The following CILK1 variants were observed in gnomAD, a reference collection of about 807,000 sequenced individuals.
CILK1 encodes serine/threonine-protein kinase ICK.
CILK1 carries 47 observed loss-of-function variants against 79.2 expected under a neutral mutation model. The ratio of observed to expected loss-of-function variants is 0.59; its 90% confidence interval spans 0.47 to 0.76. CILK1 has a LOEUF of 0.76. Among genes scored for constraint, CILK1 ranks in the 30% least tolerant of loss-of-function variants. The probability of loss-of-function intolerance (pLI) is 0.00; values close to 1 mark genes in which losing one functional copy is unlikely to be tolerated. For synonymous variants in CILK1, 266 were observed against 275.9 expected (o/e 0.96, Z 0.36); for missense variants, 660 against 769.5 (o/e 0.86, Z 1.68).
chr6:53,047,868 G>A (rs536850137), intron 1 of CILK1, among the ~76,000 whole-genome samples: 1 of 152,006 alleles, frequency 6.6e-6, no homozygotes, highest in East Asian at 1.9e-4. Flanking sequence ...GTGTTATTTG[G>A]ACAATGTACA....
At chr6:53,012,259 T>C in intron 9 of CILK1, 32 bp from the exon 10 acceptor site, 1 of 1,601,112 alleles carries the variant, frequency 6.2e-7, no homozygotes, top group Non-Finnish European at 8.6e-7. Context: ...GGGAAAGCAA[T>C]ACTTGGCATT....
rs1764163929 is a variant in CILK1, at chr6:53,005,433, T to C, written c.1745-130A>G. ...AGAGGAGCATCTTGTCTCCTACTTA[T>C]AATCTTCTCTACTGCAGTTAAAGAC... On this transcript the variant is annotated intron_variant, in intron 13 of 13. Coordinates refer to ENST00000676107, the MANE Select transcript of CILK1 (RefSeq NM_014920.5). 7 of 993,144 alleles carry C rather than the reference T, an allele frequency of 7.0e-6. No individual in the cohort carries two copies. In the South Asian group the frequency reaches 8.3e-5, roughly 12 times the overall value. 61.5% of individuals were successfully genotyped at this position (993,144 alleles called of 1,614,324 possible).
In CILK1 at chr6:53,041,201, A is replaced by T; in HGVS notation, c.36T>A (p.Asp12Glu). 1 of 1,613,878 alleles carries T rather than the reference A, an allele frequency of 6.2e-7. No homozygotes were observed. Among genetic ancestry groups the T allele is most frequent in the Non-Finnish European group, 8.5e-7 (1 of 1,179,784 alleles). ...NRYTTIRQLG[D>E]GTYGSVLLGR... The stretch of plus-strand genomic sequence containing the variant: ...CCAGCAGGACGGAACCGTAGGTTCC[A>T]TCCCCGAGCTGCCTGATTGTTGTGT... The change falls in exon 2 of 14, where the codon GAT (aspartate) becomes GAA (glutamate). Residue 12 changes from aspartate to glutamate, a missense_variant. By Grantham distance (45) the Asp-to-Glu change is conservative (BLOSUM62 2). Coordinates refer to ENST00000676107, the MANE Select transcript of CILK1 (RefSeq NM_014920.5).
At chr6:53,011,972 A>AAT in intron 10 of CILK1, 55 bp from the exon 11 acceptor site, 1 of 1,613,848 alleles carries the variant, frequency 6.2e-7, no homozygotes, top group Non-Finnish European at 8.5e-7. Context: ...GTATTCTCGG[A>AAT]TATGTACCCA....
At chr6:53,030,471 GACA>G (rs1349479081) in intron 5 of CILK1, among the ~76,000 whole-genome samples, 2 of 152,162 alleles carry the variant, frequency 1.3e-5, no homozygotes, top group South Asian at 4.1e-4. Context: ...TGCATGGTCT[GACA>G]ACGAGCTCAC....
chr6:53,022,795 G>A (rs760193365), intron 5 of CILK1, among the ~76,000 whole-genome samples: 4 of 152,040 alleles, frequency 2.6e-5, no homozygotes, highest in Admixed American at 6.6e-5. Context: ...CATTTTCACT[G>A]AGCATCTGCT....
At position 53,009,539 on chromosome 6, in the gene CILK1, C is replaced by T. The variant is rs745489472; in HGVS notation, c.1521G>A (p.Ser507=). The change falls in exon 12 of 14, where the codon TCG becomes TCA. Residue 507 remains serine, a synonymous_variant. Coordinates refer to ENST00000676107, the MANE Select transcript of CILK1 (RefSeq NM_014920.5). ...PGISIRNGIL[S]NPGKEFIPPN... is the part of the protein sequence containing the mutation. ...GTGGAATAAATTCCTTGCCTGGATT[C>T]GAGAGTATGCCATTTCTTATACTGA... The T allele has an allele frequency of 9.2e-5, 149 of 1,610,976 alleles. 1 individual carries two copies. Among genetic ancestry groups the T allele is most frequent in the Middle Eastern group, 3.3e-4 (2 of 6,056 alleles).
intron 5 of CILK1, among the ~76,000 whole-genome samples, chr6:53,022,536 T>C (rs986915958): frequency 6.6e-6 from 1 of 152,222 alleles, no homozygotes; most frequent in Admixed American, 6.5e-5. Flanking sequence ...TAGGTGTGTC[T>C]AAGTAAGTGT....
chr6:53,031,271 C>A (rs1765945198), intron 4 of CILK1, 127 bp from the exon 5 acceptor site: 1 of 643,484 alleles, frequency 1.6e-6, no homozygotes. Context: ...TCACATGTTA[C>A]AAAAACAAAA....
chr6:53,030,195 A>C (rs1400213060), intron 5 of CILK1, among the ~76,000 whole-genome samples: 1 of 152,234 alleles, frequency 6.6e-6, no homozygotes, highest in African/African-American at 2.4e-5. Flanking sequence ...TAACCAGACC[A>C]TCTGTAGAAC....
At chr6:53,048,760 C>T (rs140563766) in intron 1 of CILK1, among the ~76,000 whole-genome samples, 1,810 of 152,264 alleles carry the variant, frequency 0.012, 33 homozygotes, top group East Asian at 0.064. Context: ...ACTCAGGATT[C>T]GACATACTCA....
intron 5 of CILK1, among the ~76,000 whole-genome samples, chr6:53,019,759 G>A (rs1765118080): frequency 6.6e-6 from 1 of 152,122 alleles, no homozygotes; most frequent in South Asian, 2.1e-4. Context: ...CTGGGCTCAA[G>A]TGATCCTCCT....
Position 53,020,007 on chromosome 6 carries a change from C to T in CILK1, c.359-648G>A, listed in dbSNP as rs191311845. On this transcript the variant is annotated intron_variant, in intron 5 of 13. Transcript: ENST00000676107. ...TCTGATGGGAATTGAGAGTTTATAC[C>T]ACAGCAGAAACACAATTATAATTTT... Among the ~76,000 whole-genome samples the T allele has an allele frequency of 1.2e-3, 185 of 152,098 alleles. 6 individuals carry two copies. The highest frequency in any genetic ancestry group is 0.012 in the Admixed American group (182 of 15,262).
chr6:53,029,789 T>A (rs1026663995), intron 5 of CILK1, among the ~76,000 whole-genome samples: 1 of 152,200 alleles, frequency 6.6e-6, no homozygotes, highest in South Asian at 2.1e-4. Context: ...TCTCCTTGAG[T>A]AATAAAACTT....
chr6:53,018,239 G>A (rs1358733677), intron 7 of CILK1, 91 bp downstream of exon 7: 4 of 1,221,706 alleles, frequency 3.3e-6, no homozygotes, highest in Non-Finnish European at 4.8e-6. Context: ...ATGGGCAGGT[G>A]CTCAATCATG....
chr6:53,019,634 A>T (rs909050905), intron 5 of CILK1, among the ~76,000 whole-genome samples: 4 of 152,168 alleles, frequency 2.6e-5, no homozygotes, highest in Non-Finnish European at 5.9e-5. Context: ...ACTGGATTAT[A>T]GGCTGAGATA....
chr6:53,037,649 T>C (rs1157426999), intron 3 of CILK1, among the ~76,000 whole-genome samples: 1 of 152,216 alleles, frequency 6.6e-6, no homozygotes, highest in Non-Finnish European at 1.5e-5. Context: ...GATTTTCCTT[T>C]ACGTTAATAA....
chr6:53,025,978 T>C (rs1419495508), intron 5 of CILK1, among the ~76,000 whole-genome samples: 1 of 152,146 alleles, frequency 6.6e-6, no homozygotes, highest in Non-Finnish European at 1.5e-5. Context: ...AGCGGGTAGG[T>C]GTGCAGACCA....
At chr6:53,025,403 C>T (rs1765510096) in intron 5 of CILK1, among the ~76,000 whole-genome samples, 1 of 152,138 alleles carries the variant, frequency 6.6e-6, no homozygotes, top group Non-Finnish European at 1.5e-5. Flanking sequence ...ATGCAAGTAT[C>T]GTGCTCACAC....
Sources: allele counts gnomAD v4.1 joint callset (sites outside exome capture counted in the v4.1 genomes callset), GRCh38; gene constraint gnomAD v4.1.1; transcripts MANE v1.5; gene names NCBI Gene and HGNC (gene_info 2026-07-23, HGNC 2026-07-21).